Variants in DYNC1I1 observed in about 807,000 individuals in gnomAD.
DYNC1I1 encodes cytoplasmic dynein 1 intermediate chain 1.
DYNC1I1 carries 43 observed loss-of-function variants against 86.6 expected under a neutral mutation model. The ratio of observed to expected loss-of-function variants is 0.50; its 90% CI spans 0.39 to 0.64. The LOEUF (loss-of-function observed/expected upper bound fraction) is 0.64, where lower values mean the gene tolerates loss of function less well. Ranked by LOEUF, DYNC1I1 falls within the 30% of genes least tolerant of loss-of-function variation. DYNC1I1 has a pLI of 0.00. For synonymous variants in DYNC1I1, 262 were observed against 283.7 expected, an observed-to-expected ratio of 0.92 and a Z score of 0.77; for missense variants, 604 against 788.8, an observed-to-expected ratio of 0.77 and a Z score of 2.81.
intron 6 of DYNC1I1, among the ~76,000 whole-genome samples, chr7:95,871,131 A>G (rs1167274790): frequency 1.3e-5 from 2 of 152,236 alleles, no homozygotes; most frequent in African/African-American, 4.8e-5. Flanking sequence ...AGCAAAGTGA[A>G]TCAGATTCCT....
rs761898077 is a variant in DYNC1I1 at position 96,039,305 on chromosome 7, G to A, written c.1393G>A (p.Gly465Ser). 2.5e-6 allele frequency: 4 copies of A among 1,614,042 alleles called. No homozygotes were observed. Among genetic ancestry groups the A allele is most frequent in the South Asian group, 2.2e-5 (2 of 91,062 alleles). Residue 465 changes from glycine to serine, a missense_variant, in exon 14 of 17, where the codon GGT (glycine) becomes AGT (serine). By Grantham distance (56) the Gly-to-Ser change is moderately conservative (BLOSUM62 0). Transcript: ENST00000447467. ...SKAGIGEVFE[G>S]HQGPVTGINC... Reference sequence around the variant, plus strand: ...AGCAGGTATTGGTGAGGTCTTTGAAGGTCACCAAGGGCCAGTGACAGGAAT... The same window carrying A: ...AGCAGGTATTGGTGAGGTCTTTGAAAGTCACCAAGGGCCAGTGACAGGAAT...
chr7:96,078,755 G>A (rs1454657235), intron 15 of DYNC1I1, among the ~76,000 whole-genome samples: 1 of 151,996 alleles, frequency 6.6e-6, no homozygotes, highest in Non-Finnish European at 1.5e-5. Context: ...TTAGGTAATA[G>A]AATTAAGCAA....
intron 1 of DYNC1I1, among the ~76,000 whole-genome samples, chr7:95,777,316 C>G (rs1035067994): frequency 2.0e-5 from 3 of 152,156 alleles, no homozygotes; most frequent in African/African-American, 7.2e-5. Context: ...ACAGCAGCCC[C>G]CACCTAACAC....
chr7:95,987,115 C>G lies in DYNC1I1; in HGVS notation c.803C>G (p.Ser268Cys). The change falls in exon 9 of 17, where the codon TCC becomes TGC. Residue 268 changes from serine (S) to cysteine (C), a missense_variant. Ser to Cys is a moderately radical substitution (Grantham distance 112). Coordinates refer to ENST00000447467, the MANE Select transcript of DYNC1I1 (RefSeq NM_001135556.2). ...CGTCAGTTCTATGATGAACATTGGT[C>G]CAAGCATCGAGTGGTCACTTGTATG... ...FNRQFYDEHW[S>C]KHRVVTCMDW... The G allele has an allele frequency of 6.2e-7, 1 of 1,613,922 alleles. No homozygotes were observed. The highest frequency in any genetic ancestry group is 2.2e-5 in the East Asian group (1 of 44,854).
chr7:96,076,000 A>C, intron 14 of DYNC1I1, 57 bp from the exon 15 acceptor site: 1 of 1,589,438 alleles, frequency 6.3e-7, no homozygotes, highest in East Asian at 2.3e-5. Context: ...TAGGCTCTCT[A>C]GACAGCCCGA....
intron 10 of DYNC1I1, among the ~76,000 whole-genome samples, chr7:96,011,895 A>T (rs1794284576): frequency 6.6e-6 from 1 of 152,196 alleles, no homozygotes; most frequent in South Asian, 2.1e-4. Context: ...ATAAGACGGG[A>T]TCCCTGTAAT....
chr7:95,828,039 T>C lies in DYNC1I1; in HGVS notation c.315-18T>C. On this transcript the variant is annotated intron_variant, in intron 4 of 16. Coordinates refer to ENST00000447467, the MANE Select transcript of DYNC1I1 (RefSeq NM_001135556.2). ...TGTTAATTCTCTGTGTTCTTTTTCC[T>C]TTGTGCTGCACAATTAGGACCCTGC... The C allele has an allele frequency of 6.2e-7, 1 of 1,613,462 alleles. No homozygotes were observed. Among genetic ancestry groups the C allele is most frequent in the Non-Finnish European group, 8.5e-7 (1 of 1,179,508 alleles).
At chr7:95,920,148 C>G (rs1234951558) in intron 6 of DYNC1I1, among the ~76,000 whole-genome samples, 4 of 152,150 alleles carry the variant, frequency 2.6e-5, no homozygotes, top group Non-Finnish European at 4.4e-5. Context: ...CTGCTTCAGC[C>G]AGGCGATCAA....
At chr7:96,096,656 G>A (rs752909092) in intron 16 of DYNC1I1, among the ~76,000 whole-genome samples, 6 of 152,028 alleles carry the variant, frequency 3.9e-5, no homozygotes, top group Non-Finnish European at 8.8e-5. Flanking sequence ...TGGAGGAGGC[G>A]TTAATTTCCT....
intron 14 of DYNC1I1, among the ~76,000 whole-genome samples, chr7:96,047,119 A>G (rs1789239204): frequency 1.3e-5 from 2 of 152,102 alleles, no homozygotes; most frequent in Admixed American, 1.3e-4. Context: ...GCATCCTCAC[A>G]TGGAAGAAGG....
chr7:95,869,238 A>G (rs1790096884), intron 5 of DYNC1I1, among the ~76,000 whole-genome samples: 3 of 152,128 alleles, frequency 2.0e-5, no homozygotes, highest in African/African-American at 7.2e-5. Context: ...ATATTCAGAA[A>G]TGGTTTCTTA....
intron 10 of DYNC1I1, among the ~76,000 whole-genome samples, chr7:96,027,237 G>A (rs1021800982): frequency 5.3e-5 from 8 of 152,074 alleles, no homozygotes; most frequent in Non-Finnish European, 1.2e-4. Flanking sequence ...CTTATACATG[G>A]TAAGTTCTCA....
chr7:95,785,775 G>GTGTGTATATATATATATA (rs1317168531), intron 1 of DYNC1I1, among the ~76,000 whole-genome samples: 1 of 124,906 alleles, frequency 8.0e-6, no homozygotes, highest in Non-Finnish European at 1.7e-5. Context: ...GTGTGTATGT[G>GTGTGTATATATATATATA]TATATATATA....
At chr7:95,823,814 C>T (rs1039071232) in intron 4 of DYNC1I1, among the ~76,000 whole-genome samples, 8 of 151,314 alleles carry the variant, frequency 5.3e-5, no homozygotes, top group African/African-American at 2.0e-4. Context: ...CTTATAAGAC[C>T]TAGTGGACTA....
intron 5 of DYNC1I1, among the ~76,000 whole-genome samples, chr7:95,859,561 G>C (rs1240934969): frequency 2.0e-5 from 3 of 152,218 alleles, no homozygotes; most frequent in African/African-American, 7.2e-5. Context: ...ATGTGGTGTT[G>C]GGGTATGCAT....
chr7:95,857,223 G>C (rs1225987961), intron 5 of DYNC1I1, among the ~76,000 whole-genome samples: 1 of 152,136 alleles, frequency 6.6e-6, no homozygotes, highest in African/African-American at 2.4e-5. Flanking sequence ...GCCTCCTTTA[G>C]TTGCAGCAAT....
At chr7:95,866,474 C>A (rs959678696) in intron 5 of DYNC1I1, among the ~76,000 whole-genome samples, 8 of 152,114 alleles carry the variant, frequency 5.3e-5, no homozygotes, top group Non-Finnish European at 8.8e-5. Context: ...TGCATAGAGC[C>A]AAAGCCCAAC....
chr7:96,097,545 T>C lies in DYNC1I1; in HGVS notation c.1839T>C (p.Ala613=). The change falls in exon 17 of 17, where the codon GCT becomes GCC. Residue 613 remains alanine, a synonymous_variant. Transcript: ENST00000447467. ...RFARTLVEIR[A]NRADSEEEGT... ...CCAGGACCCTTGTGGAAATTCGTGCTAACAGAGCTGATAGCGAGGAGGAAG... is the reference window on the plus strand; with the variant it reads ...CCAGGACCCTTGTGGAAATTCGTGCCAACAGAGCTGATAGCGAGGAGGAAG... The C allele has an allele frequency of 1.2e-6, 2 of 1,613,820 alleles. No individual in the cohort carries two copies. The highest frequency in any genetic ancestry group is 1.7e-6 in the Non-Finnish European group (2 of 1,179,788).
At chr7:95,837,848 A>G (rs1300544696) in intron 5 of DYNC1I1, among the ~76,000 whole-genome samples, 2 of 152,228 alleles carry the variant, frequency 1.3e-5, no homozygotes, top group Middle Eastern at 6.3e-3. Context: ...GCGCGCACCC[A>G]CTGACCTGCG....
Sources: allele counts gnomAD v4.1 joint callset (sites outside exome capture counted in the v4.1 genomes callset), GRCh38; gene constraint gnomAD v4.1.1; transcripts MANE v1.5; gene names NCBI Gene and HGNC (gene_info 2026-07-23, HGNC 2026-07-21).